Variants in PLEKHM3 observed in about 807,000 individuals in gnomAD.
The protein encoded by PLEKHM3 is pleckstrin homology domain-containing family M member 3.
A neutral mutation model predicts 81.8 loss-of-function variants in PLEKHM3; 45 were observed. That is an observed-to-expected ratio of 0.55 (90% CI 0.43 to 0.71). The LOEUF (loss-of-function observed/expected upper bound fraction) is 0.71, where lower values mean the gene tolerates loss of function less well. Ranked by LOEUF, PLEKHM3 falls within the 30% of genes least tolerant of loss-of-function variation. The pLI, the probability that PLEKHM3 is intolerant of heterozygous loss-of-function variation, is 0.00. For missense variants in PLEKHM3, 788 were observed against 924.3 expected (o/e 0.85, Z 1.91); for synonymous variants, 352 against 356.4 (o/e 0.99, Z 0.14).
intron 7 of PLEKHM3, among the ~76,000 whole-genome samples, chr2:207,830,690 T>TGTC (rs1367998624): frequency 1.3e-4 from 18 of 143,858 alleles, no homozygotes; most frequent in Admixed American, 6.1e-4. Context: ...GAAGGACACT[T>TGTC]CTTCTAAGTG....
chr2:207,934,651 C>T (rs1689689397), intron 4 of PLEKHM3, among the ~76,000 whole-genome samples: 1 of 152,100 alleles, frequency 6.6e-6, no homozygotes, highest in Non-Finnish European at 1.5e-5. Context: ...AAAGAGGCCT[C>T]CTCCCCTACC....
intron 6 of PLEKHM3, among the ~76,000 whole-genome samples, chr2:207,871,315 C>T (rs1574355283): frequency 6.6e-6 from 1 of 152,256 alleles, no homozygotes; most frequent in East Asian, 1.9e-4. Context: ...TCTAACAAGA[C>T]TTAAATTTTG....
chr2:207,876,888 C>G (rs1163312437), intron 6 of PLEKHM3, among the ~76,000 whole-genome samples: 2 of 152,166 alleles, frequency 1.3e-5, no homozygotes, highest in African/African-American at 4.8e-5. Flanking sequence ...TTGTAATGAA[C>G]AGTAAAAGGA....
At chr2:207,970,224 A>T (rs914877124) in intron 3 of PLEKHM3, among the ~76,000 whole-genome samples, 2 of 151,932 alleles carry the variant, frequency 1.3e-5, no homozygotes, top group African/African-American at 4.8e-5. Context: ...GAGAGAGGAG[A>T]GGAAAGAGGA....
chr2:207,858,174 G>GTATATA (rs1553544950), intron 7 of PLEKHM3, among the ~76,000 whole-genome samples: 45 of 123,272 alleles, frequency 3.7e-4, no homozygotes, highest in African/African-American at 1.3e-3. Context: ...GTGTGTGTGT[G>GTATATA]TATATATTTT....
At position 208,009,321 on chromosome 2, in the gene PLEKHM3, A is replaced by G. The variant is rs117590584; in HGVS notation, c.-318-7364T>C. 3.1e-4 allele frequency among the ~76,000 whole-genome samples: 47 copies of G among 152,276 alleles called. No individual in the cohort carries two copies. In the East Asian group the frequency reaches 8.3e-3, roughly 27 times the overall value. On this transcript the variant is annotated intron_variant, in intron 1 of 7. Coordinates refer to ENST00000427836, the MANE Select transcript of PLEKHM3 (RefSeq NM_001080475.3). Reference sequence around the variant, plus strand: ...CAACCTACTGAAATTCTATTCTTCAAGGCCCAGCTCAAATGCCACCTCTTC... The same window carrying G: ...CAACCTACTGAAATTCTATTCTTCAGGGCCCAGCTCAAATGCCACCTCTTC...
At chr2:207,914,822 G>C (rs1364373349) in intron 5 of PLEKHM3, among the ~76,000 whole-genome samples, 1 of 152,144 alleles carries the variant, frequency 6.6e-6, no homozygotes. Flanking sequence ...TGTTGCAGAA[G>C]AGGCTGCTGT....
At chr2:207,862,471 T>G (rs1376177866) in intron 6 of PLEKHM3, among the ~76,000 whole-genome samples, 1 of 152,066 alleles carries the variant, frequency 6.6e-6, no homozygotes, top group African/African-American at 2.4e-5. Context: ...ACCCTGTCTC[T>G]ACTAAAAATA....
At chr2:208,002,423 C>G (rs1213158501) in intron 1 of PLEKHM3, among the ~76,000 whole-genome samples, 1 of 152,112 alleles carries the variant, frequency 6.6e-6, no homozygotes, top group Non-Finnish European at 1.5e-5. Context: ...GGAGGTTCTG[C>G]CCTTTTTTTA....
At chr2:207,932,033 T>C (rs1689615529) in intron 4 of PLEKHM3, among the ~76,000 whole-genome samples, 1 of 152,152 alleles carries the variant, frequency 6.6e-6, no homozygotes, top group Non-Finnish European at 1.5e-5. Context: ...TCAAAAAGGA[T>C]AAAAGGATAT....
At chr2:207,958,959 G>T (rs1171977038) in intron 3 of PLEKHM3, among the ~76,000 whole-genome samples, 1 of 151,904 alleles carries the variant, frequency 6.6e-6, no homozygotes, top group Non-Finnish European at 1.5e-5. Flanking sequence ...TATCTTACTG[G>T]AATGTTTCTC....
intron 1 of PLEKHM3, among the ~76,000 whole-genome samples, chr2:208,020,387 C>T (rs1227859547): frequency 6.6e-6 from 1 of 152,190 alleles, no homozygotes; most frequent in Non-Finnish European, 1.5e-5. Flanking sequence ...ATGCAATTGC[C>T]TCCATATTTT....
At chr2:208,003,723 T>G (rs1038414348) in intron 1 of PLEKHM3, among the ~76,000 whole-genome samples, 2 of 152,216 alleles carry the variant, frequency 1.3e-5, no homozygotes, top group African/African-American at 4.8e-5. Context: ...AGTTAAACCT[T>G]CAGTCTCTCC....
chr2:207,841,960 C>T (rs550467015), intron 7 of PLEKHM3, among the ~76,000 whole-genome samples: 14 of 152,084 alleles, frequency 9.2e-5, no homozygotes, highest in African/African-American at 9.7e-5. Context: ...ATTTTTGAGA[C>T]GGAGTCTCTC....
chr2:207,968,981 TA>T (rs1197977667), intron 3 of PLEKHM3, among the ~76,000 whole-genome samples: 2 of 152,224 alleles, frequency 1.3e-5, no homozygotes, highest in African/African-American at 4.8e-5. Context: ...CTAACTCTAA[TA>T]AATCTTCACC....
Position 207,908,500 on chromosome 2 carries a change from C to T in PLEKHM3, c.1950+14G>A. On this transcript the variant is annotated intron_variant, in intron 6 of 7. Transcript: ENST00000427836. ...GAAAGCAACAAAAATGAAACAGCCC[C>T]TCTGAGCACTTACCTGCTGCAGGTC... is the stretch of plus-strand genomic sequence containing the variant. 1 of 1,607,678 alleles carries T rather than the reference C, an allele frequency of 6.2e-7. No homozygotes were observed. Among genetic ancestry groups the T allele is most frequent in the Non-Finnish European group, 8.5e-7 (1 of 1,176,652 alleles).
chr2:207,899,661 T>C (rs1310874565), intron 6 of PLEKHM3, among the ~76,000 whole-genome samples: 2 of 152,198 alleles, frequency 1.3e-5, no homozygotes, highest in African/African-American at 4.8e-5. Context: ...GAATCTTTCA[T>C]TTCTGAGGGA....
In PLEKHM3 at chr2:207,863,453, C is replaced by G. The variant is rs1455222031; in HGVS notation, c.1951-2191G>C. On this transcript the variant is annotated intron_variant, in intron 6 of 7. Coordinates refer to ENST00000427836, the MANE Select transcript of PLEKHM3 (RefSeq NM_001080475.3). ...ACCCAGAGTATTAACACTACTAAGTCTTTCACCTTAATTTATGACTCAGGA... is the reference window on the plus strand; with the variant it reads ...ACCCAGAGTATTAACACTACTAAGTGTTTCACCTTAATTTATGACTCAGGA... Among the ~76,000 whole-genome samples the G allele has an allele frequency of 1.2e-4, 19 of 152,368 alleles. No homozygotes were observed. The South Asian group carries it at 3.3e-3, about 27-fold the overall frequency.
At chr2:207,987,135 C>T (rs1344158353) in intron 2 of PLEKHM3, among the ~76,000 whole-genome samples, 2 of 152,218 alleles carry the variant, frequency 1.3e-5, no homozygotes, top group African/African-American at 4.8e-5. Flanking sequence ...CCATTTCCAG[C>T]TTTCCAGACA....
Sources: allele counts gnomAD v4.1 joint callset (sites outside exome capture counted in the v4.1 genomes callset), GRCh38; gene constraint gnomAD v4.1.1; transcripts MANE v1.5; gene names NCBI Gene and HGNC (gene_info 2026-07-23, HGNC 2026-07-21).